Variants in PCDH7 observed in about 807,000 individuals in gnomAD.
The protein encoded by PCDH7 is protocadherin 7, also known as protocadherin-7.
PCDH7 carries 17 observed loss-of-function variants against 58.9 expected under a neutral mutation model. The observed-to-expected ratio is 0.29, with a 90% CI of 0.20 to 0.43. The LOEUF (loss-of-function observed/expected upper bound fraction) is 0.43. PCDH7 is among the 20% of genes least tolerant of loss of function. PCDH7 has a pLI of 1.00. For missense variants in PCDH7, 1,274 were observed against 1,441.0 expected (o/e 0.88, Z 1.88); for synonymous variants, 664 against 616.4 (o/e 1.08, Z -1.14).
At chr4:30,816,755 C>A (rs957218161) in intron 1 of PCDH7, among the ~76,000 whole-genome samples, 1 of 151,918 alleles carries the variant, frequency 6.6e-6, no homozygotes, top group Non-Finnish European at 1.5e-5. Context: ...GCCAGAATTG[C>A]ACGATGAAGA....
intron 3 of PCDH7, among the ~76,000 whole-genome samples, chr4:30,965,899 T>C (rs1233063874): frequency 6.6e-6 from 1 of 152,176 alleles, no homozygotes; most frequent in African/African-American, 2.4e-5. Flanking sequence ...ATGGATAATC[T>C]TCAAGCAGTA....
At chr4:31,068,912 T>C (rs1042917255) in intron 3 of PCDH7, among the ~76,000 whole-genome samples, 4 of 151,970 alleles carry the variant, frequency 2.6e-5, no homozygotes, top group African/African-American at 9.7e-5. Flanking sequence ...GGAACAGACT[T>C]CAGGCCTATA....
In PCDH7 at chr4:30,951,370, T is replaced by G. The variant is rs186890398; in HGVS notation, c.*7+1155T>G. 1.8e-3 allele frequency among the ~76,000 whole-genome samples: 273 copies of G among 152,298 alleles called. 6 individuals carry two copies. The highest frequency in any genetic ancestry group is 0.017 in the Admixed American group (265 of 15,288). On this transcript the variant is annotated intron_variant, in intron 3 of 3. Transcript: ENST00000509759. ...GTTAGTCTGGACCATTAATCTTCAT[T>G]TAGAAATGTATGGCTTTCTATTAGA...
At chr4:30,995,897 G>A (rs929548545) in intron 3 of PCDH7, among the ~76,000 whole-genome samples, 1 of 152,058 alleles carries the variant, frequency 6.6e-6, no homozygotes, top group East Asian at 1.9e-4. Context: ...TGAGTCCACC[G>A]GGATTATCCA....
intron 3 of PCDH7, among the ~76,000 whole-genome samples, chr4:31,065,695 T>C (rs1758027728): frequency 6.6e-6 from 1 of 151,956 alleles, no homozygotes; most frequent in African/African-American, 2.4e-5. Context: ...TGTAAGAAAT[T>C]CACTTTATGT....
chr4:31,007,494 A>G (rs936793283), intron 3 of PCDH7, among the ~76,000 whole-genome samples: 1 of 152,182 alleles, frequency 6.6e-6, no homozygotes, highest in Non-Finnish European at 1.5e-5. Flanking sequence ...CAATTTTAGT[A>G]TAAAATAACT....
chr4:31,030,075 A>G (rs1754765246), intron 3 of PCDH7, among the ~76,000 whole-genome samples: 3 of 152,114 alleles, frequency 2.0e-5, no homozygotes, highest in African/African-American at 7.2e-5. Context: ...CTCTGCAGTC[A>G]TTAGTACTTC....
chr4:31,040,087 G>A (rs1221125896), intron 3 of PCDH7, among the ~76,000 whole-genome samples: 1 of 152,170 alleles, frequency 6.6e-6, no homozygotes, highest in Non-Finnish European at 1.5e-5. Flanking sequence ...CAACTTTATT[G>A]AAATAATGTG....
chr4:30,768,639 A>G (rs1311724169), intron 1 of PCDH7, among the ~76,000 whole-genome samples: 1 of 152,246 alleles, frequency 6.6e-6, no homozygotes, highest in Non-Finnish European at 1.5e-5. Flanking sequence ...TTTTAAGACA[A>G]TATCTTGCTG....
In PCDH7 at chr4:30,722,693, C is replaced by G. The variant is rs769363634; in HGVS notation, c.1271C>G (p.Pro424Arg). 53 of 1,613,486 alleles carry G rather than the reference C, an allele frequency of 3.3e-5. 1 individual carries two copies. The South Asian group carries it at 5.2e-4, about 16-fold the overall frequency. Residue 424 changes from proline (P) to arginine (R), a missense_variant, in exon 1 of 2, where the codon CCC becomes CGC. Coordinates refer to ENST00000361762, the Ensembl canonical transcript of PCDH7. The surrounding 1 kb of genome is among the most constrained non-coding windows in gnomAD (Gnocchi z 7.6). ...GAAATCCGCAAGATTGGGCGCATCC[C>G]CCTCAAGGACGGGGTGGCCAACGTG...
chr4:30,807,994 T>C (rs763192614), intron 1 of PCDH7, among the ~76,000 whole-genome samples: 9 of 152,180 alleles, frequency 5.9e-5, no homozygotes, highest in Non-Finnish European at 1.3e-4. Flanking sequence ...TACAGTGACA[T>C]GGGCATCACC....
intron 3 of PCDH7, among the ~76,000 whole-genome samples, chr4:31,103,798 C>T (rs1448051350): frequency 2.0e-5 from 3 of 152,184 alleles, no homozygotes; most frequent in African/African-American, 7.2e-5. Context: ...TATTTAGAAA[C>T]ATTAATTGTT....
At chr4:30,899,954 T>C (rs181834008) in intron 1 of PCDH7, among the ~76,000 whole-genome samples, 1 of 152,162 alleles carries the variant, frequency 6.6e-6, no homozygotes, top group Non-Finnish European at 1.5e-5. Flanking sequence ...AATAATGTGG[T>C]CCATATTTTA....
intron 3 of PCDH7, among the ~76,000 whole-genome samples, chr4:30,997,076 C>A (rs13144696): frequency 0.17 from 25,897 of 148,158 alleles, 2,769 homozygotes; most frequent in South Asian, 0.29. Flanking sequence ...TGTTTTCCTT[C>A]TTTTCTTTTT....
chr4:31,008,147 G>T (rs931304937), intron 3 of PCDH7, among the ~76,000 whole-genome samples: 1 of 151,998 alleles, frequency 6.6e-6, no homozygotes, highest in African/African-American at 2.4e-5. Flanking sequence ...AGGAGAAAAG[G>T]TGCATTAGTC....
At chr4:30,732,609 G>A (rs999814980) in exon 2 of PCDH7, 18 of 152,082 alleles carry the variant, frequency 1.2e-4, no homozygotes, top group Admixed American at 1.2e-3. Flanking sequence ...CCCATAGTAA[G>A]AGTAAATATT....
At chr4:31,145,299 A>G (rs990785568), downstream of PCDH7, 8 of 152,138 alleles carry the variant, frequency 5.3e-5, no homozygotes, top group African/African-American at 1.9e-4. Flanking sequence ...AATTCAGTGT[A>G]CTGTAAGTAT....
intron 3 of PCDH7, among the ~76,000 whole-genome samples, chr4:30,956,287 A>C (rs143376212): frequency 1.2e-3 from 190 of 152,254 alleles, no homozygotes; most frequent in African/African-American, 4.2e-3. Flanking sequence ...TAACTATCAG[A>C]CATAATAATA....
intron 1 of PCDH7, among the ~76,000 whole-genome samples, chr4:30,740,746 G>C (rs1354479425): frequency 2.0e-5 from 3 of 151,808 alleles, no homozygotes; most frequent in Non-Finnish European, 4.4e-5. Context: ...ACTTATACAA[G>C]ATTCTAGTTT....
Sources: allele counts gnomAD v4.1 joint callset (sites outside exome capture counted in the v4.1 genomes callset), GRCh38; gene constraint gnomAD v4.1.1; non-coding constraint Gnocchi (gnomAD v3.1); transcripts MANE v1.5; gene names NCBI Gene and HGNC (gene_info 2026-07-23, HGNC 2026-07-21).